TMF1: variants seen among roughly 807,000 people sequenced by gnomAD.
The protein encoded by TMF1 is TATA element modulatory factor.
TMF1 carries 71 observed loss-of-function variants against 126.5 expected under a neutral mutation model. The ratio of observed to expected loss-of-function variants is 0.56; its 90% CI spans 0.46 to 0.68. The LOEUF (loss-of-function observed/expected upper bound fraction) is 0.68. TMF1 is among the 30% of genes least tolerant of loss of function. The pLI is 0.00. For synonymous variants in TMF1, 461 were observed against 430.5 expected, an observed-to-expected ratio of 1.07 and a Z score of -0.88; for missense variants, 1,259 against 1,253.2, an observed-to-expected ratio of 1.00 and a Z score of -0.07.
chr3:69,043,499 G>T (rs1254190054), intron 4 of TMF1, among the ~76,000 whole-genome samples: 1 of 152,044 alleles, frequency 6.6e-6, no homozygotes, highest in Non-Finnish European at 1.5e-5. Flanking sequence ...TAGAGGCAGG[G>T]TCTCACCATG....
chr3:69,036,110 A>C lies in TMF1; in HGVS notation c.2152-995T>G, dbSNP rs1031639419. ...CCATCAATAAGAAATAGCTGAAAAT[A>C]CTTCACCTAATAAAGTATTATAAAA... On this transcript the variant is annotated intron_variant, in intron 8 of 16. Transcript: ENST00000398559. Among the ~76,000 whole-genome samples, 34 of 152,272 alleles carry C rather than the reference A, an allele frequency of 2.2e-4. 1 individual carries two copies. Among genetic ancestry groups the C allele is most frequent in the Admixed American group, 3.3e-4 (5 of 15,300 alleles).
At position 69,021,321 on chromosome 3, in the gene TMF1, T is replaced by C. The variant is rs1020263346; in HGVS notation, c.*1856A>G. On this transcript the variant is annotated 3_prime_UTR_variant, in exon 17 of 17. Transcript: ENST00000398559. Reference sequence around the variant, plus strand: ...TGGGGGTCTTGGAACGTATGTCCCATGGGTAAGAGGGAACTACTATATTTT... The same window carrying C: ...TGGGGGTCTTGGAACGTATGTCCCACGGGTAAGAGGGAACTACTATATTTT... The C allele has an allele frequency of 6.6e-6, 1 of 152,634 alleles. No individual in the cohort carries two copies. Among genetic ancestry groups the C allele is most frequent in the Non-Finnish European group, 1.5e-5 (1 of 68,046 alleles). The allele number at this position is 152,634 out of a possible 1,614,324, so 9.5% of individuals were successfully genotyped here. A position where few individuals can be genotyped will look rare whatever the true frequency, so the allele number is the denominator to read the frequency against.
chr3:69,039,151 T>C (rs1331218037), intron 6 of TMF1, 142 bp from the exon 7 acceptor site: 1 of 848,306 alleles, frequency 1.2e-6, no homozygotes, highest in East Asian at 3.0e-5. Flanking sequence ...GGGTGGAATG[T>C]TCTGGCTCAC....
intron 5 of TMF1, chr3:69,042,229 G>C (rs2091870051): frequency 2.4e-6 from 1 of 409,790 alleles, no homozygotes. Context: ...GTAGAGACGG[G>C]GTTTCACCAT....
At chr3:69,038,513 A>C in intron 8 of TMF1, 51 bp downstream of exon 8, 1 of 1,571,320 alleles carries the variant, frequency 6.4e-7, no homozygotes, top group South Asian at 1.1e-5. Flanking sequence ...AATTTGTAGA[A>C]GCATAAACAA....
chr3:69,033,205 C>T (rs1453458680), intron 10 of TMF1, among the ~76,000 whole-genome samples: 3 of 144,214 alleles, frequency 2.1e-5, no homozygotes, highest in Non-Finnish European at 3.0e-5. Context: ...ACCTGGGAGG[C>T]GGAGCTTGCA....
chr3:69,029,708 TG>T, intron 11 of TMF1, 106 bp downstream of exon 11: 2 of 1,079,242 alleles, frequency 1.9e-6, no homozygotes, highest in Non-Finnish European at 1.3e-6. Context: ...CCCAATGTGC[TG>T]GGATTACAGG....
At position 69,023,020 on chromosome 3, in the gene TMF1, A is replaced by G. The variant is rs140977386; in HGVS notation, c.*157T>C. 1.6e-5 allele frequency: 8 copies of G among 496,688 alleles called. No homozygotes were observed. In the Admixed American group the frequency reaches 2.4e-4, roughly 15 times the overall value. The allele number at this position is 496,688 out of a possible 1,614,324, so 30.8% of individuals were successfully genotyped here. On this transcript the variant is annotated 3_prime_UTR_variant, in exon 17 of 17. Transcript: ENST00000398559. ...ATTGCACAAAATAATTTAACTGTAA[A>G]TATTACTACATAGTGTAAAACAATT...
chr3:69,026,269 C>CTAATT (rs2091766765), intron 13 of TMF1, among the ~76,000 whole-genome samples, 172 bp from the exon 14 acceptor site: 1 of 152,202 alleles, frequency 6.6e-6, no homozygotes, highest in African/African-American at 2.4e-5. Flanking sequence ...AAGATTCATT[C>CTAATT]TAATTTCCCC....
Position 69,029,834 on chromosome 3 carries a change from G to C in TMF1, c.2575C>G (p.Leu859Val), listed in dbSNP as rs762903721. ...LESEKNRLCK[L>V]EDENNRYQVE... ...GCTCACCTATTGTTCTCATCCTCCA[G>C]TTTACACAGCCTATTTTTCTCTGAT... is the stretch of plus-strand genomic sequence containing the variant. The change falls in exon 11 of 17, where the codon CTG (leucine) becomes GTG (valine). Residue 859 changes from leucine (L) to valine (V), a missense_variant. By Grantham distance (32) the Leu-to-Val change is conservative (BLOSUM62 1). Transcript: ENST00000398559. 1 of 1,612,612 alleles carries C rather than the reference G, an allele frequency of 6.2e-7. No individual in the cohort carries two copies. The highest frequency in any genetic ancestry group is 1.1e-5 in the South Asian group (1 of 90,864).
In TMF1 at chr3:69,021,333, A is replaced by T. The variant is rs555902928; in HGVS notation, c.*1844T>A. ...AACGTATGTCCCATGGGTAAGAGGG[A>T]ACTACTATATTTTCTAATTCTATAC... On this transcript the variant is annotated 3_prime_UTR_variant, in exon 17 of 17. Coordinates refer to ENST00000398559, the MANE Select transcript of TMF1 (RefSeq NM_007114.3). 2.0e-5 allele frequency: 3 copies of T among 152,670 alleles called. No homozygotes were observed. In the East Asian group the frequency reaches 5.8e-4, roughly 30 times the overall value. The allele number at this position is 152,670 out of a possible 1,614,324, so 9.5% of individuals were successfully genotyped here.
At chr3:69,036,034 T>C (rs1202000955) in intron 8 of TMF1, among the ~76,000 whole-genome samples, 1 of 150,112 alleles carries the variant, frequency 6.7e-6, no homozygotes, top group African/African-American at 2.4e-5. Flanking sequence ...AAAGGATATA[T>C]GGACCATGGC....
At chr3:69,040,426 T>G (rs78265570) in intron 5 of TMF1, 7 of 152,274 alleles carry the variant, frequency 4.6e-5, no homozygotes, top group Non-Finnish European at 1.5e-5. Flanking sequence ...TTGGGAGATG[T>G]AGACTGAAGA....
chr3:69,032,432 T>C (rs1251336589), intron 10 of TMF1, among the ~76,000 whole-genome samples: 1 of 152,196 alleles, frequency 6.6e-6, no homozygotes. Context: ...TTACATTTAG[T>C]GTCAGGCGTA....
Position 69,021,427 on chromosome 3 carries a change from C to T in TMF1, c.*1750G>A, listed in dbSNP as rs1202554160. 1 of 152,424 alleles carries T rather than the reference C, an allele frequency of 6.6e-6. No individual in the cohort carries two copies. The highest frequency in any genetic ancestry group is 1.5e-5 in the Non-Finnish European group (1 of 67,992). The allele number at this position is 152,424 out of a possible 1,614,324, so 9.4% of individuals were successfully genotyped here. A position where few individuals can be genotyped will look rare whatever the true frequency, so the allele number is the denominator to read the frequency against. ...TACACACACAAAAAAATCAAGCTGACAAAAAGCTATTAGACTACTTTTTAC... is the reference window on the plus strand; with the variant it reads ...TACACACACAAAAAAATCAAGCTGATAAAAAGCTATTAGACTACTTTTTAC... On this transcript the variant is annotated 3_prime_UTR_variant, in exon 17 of 17. Coordinates refer to ENST00000398559, the MANE Select transcript of TMF1 (RefSeq NM_007114.3).
At chr3:69,039,121 A>G in intron 6 of TMF1, 112 bp from the exon 7 acceptor site, 1 of 958,960 alleles carries the variant, frequency 1.0e-6, no homozygotes, top group Non-Finnish European at 1.4e-6. Context: ...TTTTGAGACA[A>G]AGTCTCGCTC....
chr3:69,037,879 G>A (rs1295053507), intron 8 of TMF1, among the ~76,000 whole-genome samples: 1 of 151,426 alleles, frequency 6.6e-6, no homozygotes, highest in Non-Finnish European at 1.5e-5. Flanking sequence ...ACACTAAAAA[G>A]GCTATACTTT....
intron 9 of TMF1, chr3:69,034,090 G>A (rs1445978462): frequency 6.1e-6 from 1 of 163,782 alleles, no homozygotes; most frequent in Non-Finnish European, 1.3e-5. Context: ...TGGGATTATA[G>A]GCATGAACCA....
intron 1 of TMF1, 111 bp from the exon 2 acceptor site, chr3:69,048,673 T>G: frequency 7.0e-6 from 7 of 1,000,946 alleles, no homozygotes; most frequent in African/African-American, 1.6e-5. Context: ...CCCTATGAAA[T>G]ACCTGTAATT....
Sources: allele counts gnomAD v4.1 joint callset (sites outside exome capture counted in the v4.1 genomes callset), GRCh38; gene constraint gnomAD v4.1.1; transcripts MANE v1.5; gene names NCBI Gene and HGNC (gene_info 2026-07-23, HGNC 2026-07-21).